The following NAV2 variants were observed in gnomAD, a reference collection of about 807,000 sequenced individuals.
The protein encoded by NAV2 is neuron navigator 2, also known as helicase, APC down-regulated 1.
Under a neutral mutation model 223.2 loss-of-function variants are expected in NAV2, and 54 were observed. The ratio of observed to expected loss-of-function variants is 0.24; its 90% confidence interval spans 0.19 to 0.30. The LOEUF is 0.30. Among genes scored for constraint, NAV2 ranks in the 10% least tolerant of loss-of-function variants. NAV2 has a pLI of 1.00. For synonymous variants in NAV2, 1,279 were observed against 1,239.3 expected, an observed-to-expected ratio of 1.03 and a Z score of -0.67; for missense variants, 2,806 against 3,147.5, an observed-to-expected ratio of 0.89 and a Z score of 2.60.
At chr11:19,519,267 AG>A (rs1397303708) in intron 1 of NAV2, among the ~76,000 whole-genome samples, 2 of 151,664 alleles carry the variant, frequency 1.3e-5, no homozygotes, top group Non-Finnish European at 2.9e-5. Context: ...CAGGCTTCCC[AG>A]GTGCCTGGAT....
At chr11:19,577,886 G>A (rs972716117) in intron 1 of NAV2, among the ~76,000 whole-genome samples, 1 of 152,178 alleles carries the variant, frequency 6.6e-6, no homozygotes, top group African/African-American at 2.4e-5. Flanking sequence ...AAGGCAGCAT[G>A]TGCACAGGCC....
At chr11:20,028,705 CG>C (rs1398170021) in intron 11 of NAV2, among the ~76,000 whole-genome samples, 2 of 152,066 alleles carry the variant, frequency 1.3e-5, no homozygotes, top group Non-Finnish European at 2.9e-5. Flanking sequence ...CCTTTCCATC[CG>C]GGGGAAAATG....
At chr11:19,826,582 C>T (rs1056541043) in intron 1 of NAV2, among the ~76,000 whole-genome samples, 7 of 152,156 alleles carry the variant, frequency 4.6e-5, no homozygotes, top group African/African-American at 1.7e-4. Flanking sequence ...CCATGATTAG[C>T]ATGGCCCATG....
At chr11:19,950,361 A>G (rs2047282395) in intron 10 of NAV2, among the ~76,000 whole-genome samples, 1 of 152,200 alleles carries the variant, frequency 6.6e-6, no homozygotes, top group Non-Finnish European at 1.5e-5. Context: ...GGTAGATGAT[A>G]TCATAGTCCC....
intron 26 of NAV2, among the ~76,000 whole-genome samples, chr11:20,086,474 G>T (rs900046399): frequency 6.6e-6 from 1 of 152,158 alleles, no homozygotes; most frequent in Admixed American, 6.5e-5. Flanking sequence ...ATGAGCCAGT[G>T]CTCCCCATGG....
chr11:19,530,577 AG>A lies in NAV2; in HGVS notation c.75+179551del, dbSNP rs1485982444. Among the ~76,000 whole-genome samples, 6 of 152,190 alleles carry A rather than the reference AG, an allele frequency of 3.9e-5. No homozygotes were observed. In the East Asian group the frequency reaches 9.6e-4, roughly 24 times the overall value. On this transcript the variant is annotated intron_variant, in intron 1 of 37. Transcript: ENST00000360655. The stretch of plus-strand genomic sequence containing the variant: ...ATGGTATCACGTGGACTTGAATCCA[AG>A]TCTTCCCACCCCCAAAGCATGGACA...
chr11:19,824,557 G>A (rs567965104), intron 1 of NAV2, among the ~76,000 whole-genome samples: 7 of 152,350 alleles, frequency 4.6e-5, no homozygotes, highest in Non-Finnish European at 7.3e-5. Flanking sequence ...TCTCCAGTGT[G>A]TAGGGCTGGG....
chr11:19,762,114 G>C (rs563821327), intron 1 of NAV2, among the ~76,000 whole-genome samples: 2 of 152,232 alleles, frequency 1.3e-5, no homozygotes, highest in Admixed American at 1.3e-4. Context: ...ATGGTGGCAC[G>C]TCCCTGTAAT....
intron 11 of NAV2, among the ~76,000 whole-genome samples, chr11:20,002,482 A>G (rs1328790895): frequency 6.6e-6 from 1 of 152,190 alleles, no homozygotes; most frequent in Admixed American, 6.5e-5. Flanking sequence ...AGAGCACTGT[A>G]GCATGGGTCA....
intron 3 of NAV2, 132 bp from the exon 4 acceptor site, chr11:19,868,791 AAG>A: frequency 2.6e-6 from 2 of 756,492 alleles, no homozygotes; most frequent in Non-Finnish European, 4.3e-6. Flanking sequence ...GTACAGACAA[AAG>A]AGAGTGTCCT....
At chr11:19,931,881 G>C (rs927195277) in intron 6 of NAV2, 1 of 152,236 alleles carries the variant, frequency 6.6e-6, no homozygotes, top group African/African-American at 2.4e-5. Context: ...ACTGGGCATG[G>C]GGTGTGGGTG....
At chr11:19,496,470 G>A (rs1358468324) in intron 1 of NAV2, among the ~76,000 whole-genome samples, 3 of 152,236 alleles carry the variant, frequency 2.0e-5, no homozygotes, top group Non-Finnish European at 2.9e-5. Flanking sequence ...AGTGCTGATT[G>A]CAAGAGAAGG....
At chr11:20,054,360 G>A (rs1323609834) in intron 18 of NAV2, 120 bp downstream of exon 18, 20 of 976,592 alleles carry the variant, frequency 2.0e-5, no homozygotes, top group Non-Finnish European at 2.6e-5. Context: ...GGTTACATGG[G>A]TAAGTTCTTT....
At chr11:19,779,630 GT>G (rs990107802) in intron 1 of NAV2, among the ~76,000 whole-genome samples, 1 of 152,200 alleles carries the variant, frequency 6.6e-6, no homozygotes, top group African/African-American at 2.4e-5. Context: ...GTAAAAGGCT[GT>G]TTTACAACTC....
intron 1 of NAV2, among the ~76,000 whole-genome samples, chr11:19,828,977 T>C (rs1017059588): frequency 1.3e-5 from 2 of 152,250 alleles, no homozygotes; most frequent in African/African-American, 4.8e-5. Flanking sequence ...AATCGCAGTG[T>C]GTGTGTATGT....
chr11:19,958,252 C>G (rs1208691639), intron 10 of NAV2, among the ~76,000 whole-genome samples: 1 of 152,202 alleles, frequency 6.6e-6, no homozygotes, highest in Non-Finnish European at 1.5e-5. Context: ...AGGCAAAAGG[C>G]AGTAAAATCC....
At chr11:19,362,272 G>A (rs1450627677) in intron 1 of NAV2, among the ~76,000 whole-genome samples, 1 of 152,176 alleles carries the variant, frequency 6.6e-6, no homozygotes, top group Admixed American at 6.5e-5. Context: ...TCCAAAGCCT[G>A]TGCCATTTTC....
At chr11:19,561,994 C>T (rs2045116427) in intron 1 of NAV2, among the ~76,000 whole-genome samples, 2 of 152,220 alleles carry the variant, frequency 1.3e-5, no homozygotes, top group South Asian at 2.1e-4. Flanking sequence ...ATTGATGGGC[C>T]TGGGTGTCAC....
chr11:19,902,795 G>A (rs967543), intron 6 of NAV2, among the ~76,000 whole-genome samples: 5 of 152,008 alleles, frequency 3.3e-5, no homozygotes, highest in Non-Finnish European at 7.4e-5. Context: ...TTTAAGGTCC[G>A]CTTTAAAAGT....
Sources: allele counts gnomAD v4.1 joint callset (sites outside exome capture counted in the v4.1 genomes callset), GRCh38; gene constraint gnomAD v4.1.1; transcripts MANE v1.5; gene names NCBI Gene and HGNC (gene_info 2026-07-23, HGNC 2026-07-21).